The following NBPF14 variants were observed in gnomAD, a reference collection of about 807,000 sequenced individuals.
The protein encoded by NBPF14 is NBPF family member NBPF14.
In NBPF14, 104 loss-of-function variants were observed where a neutral mutation model predicts 91.2. The observed-to-expected ratio is 1.14, with a 90% confidence interval of 0.97 to 1.34. The LOEUF (loss-of-function observed/expected upper bound fraction) is 1.34. Among genes scored for constraint, NBPF14 ranks in the 40% most tolerant of loss-of-function variants. The pLI is 0.00. For missense variants in NBPF14, 908 were observed against 783.0 expected (o/e 1.16, Z -1.91); for synonymous variants, 294 against 303.8 (o/e 0.97, Z 0.34).
chr1:148,572,500 T>G, exon 21 of NBPF14: 1 of 590,924 alleles, frequency 1.7e-6, no homozygotes, highest in Non-Finnish European at 3.0e-6. Flanking sequence ...ACAGCACTGC[T>G]GTAGGGCTGG....
Position 148,587,210 on chromosome 1 carries a change from C to G in NBPF14, c.1091+91G>C, listed in dbSNP as rs1249385134. The G allele has an allele frequency of 4.1e-5, 47 of 1,134,888 alleles. 4 individuals carry two copies. The African/African-American group carries it at 5.8e-4, about 14-fold the overall frequency. The allele number at this position is 1,134,888 out of a possible 1,614,324, so 70.3% of individuals were successfully genotyped here. On this transcript the variant is annotated intron_variant, in intron 8 of 70. Transcript: ENST00000619423. The stretch of plus-strand genomic sequence containing the variant: ...TGGCAATTCCTGCCCTTCCCCTGGC[C>G]CAGCTGAGCTCTTACGTCTCCCCAC...
intron 14 of NBPF14, among the ~76,000 whole-genome samples, chr1:148,577,704 A>G (rs1660161363): frequency 6.9e-6 from 1 of 145,688 alleles, no homozygotes; most frequent in African/African-American, 2.7e-5. Flanking sequence ...CATGTCCTCA[A>G]TAATTTTGCA....
chr1:148,572,760 G>A lies in NBPF14; in HGVS notation c.2586-145C>T. The A allele has an allele frequency of 2.0e-5, 11 of 542,826 alleles. 1 individual carries two copies. The highest frequency in any genetic ancestry group is 1.5e-4 in the South Asian group (8 of 54,756). 33.6% of individuals were successfully genotyped at this position (542,826 alleles called of 1,614,324 possible). ...TGAGGTAACAAATTATTGCCTTTATGTTGGGATAGAACAGGGCCAGATAGA... is the reference window on the plus strand; with the variant it reads ...TGAGGTAACAAATTATTGCCTTTATATTGGGATAGAACAGGGCCAGATAGA... On this transcript the variant is annotated intron_variant, in intron 20 of 70. Transcript: ENST00000619423.
At chr1:148,535,252 A>AC (rs1452004495) in intron 68 of NBPF14, among the ~76,000 whole-genome samples, 3 of 150,576 alleles carry the variant, frequency 2.0e-5, no homozygotes, top group Non-Finnish European at 4.4e-5. Context: ...GGTATGGTCA[A>AC]CCTACAGTAA....
intron 40 of NBPF14, among the ~76,000 whole-genome samples, chr1:148,557,079 C>A (rs1267596658): frequency 2.3e-4 from 29 of 125,366 alleles, no homozygotes; most frequent in African/African-American, 1.1e-3. Context: ...CACACACACA[C>A]ACACACACAG....
chr1:148,572,600 C>T lies in NBPF14; in HGVS notation c.2601G>A (p.Leu867=), dbSNP rs1450843538. 15 of 588,986 alleles carry T rather than the reference C, an allele frequency of 2.5e-5. 1 individual carries two copies. The highest frequency in any genetic ancestry group is 3.3e-5 in the Non-Finnish European group (11 of 338,442). The allele number at this position is 588,986 out of a possible 1,614,324, so 36.5% of individuals were successfully genotyped here. ...AGACTTCAGGCTCTTTCTCATCCAGCAGCTCCCTGCTGAGCCTGGAAAAGT... is the reference window on the plus strand; with the variant it reads ...AGACTTCAGGCTCTTTCTCATCCAGTAGCTCCCTGCTGAGCCTGGAAAAGT... Residue 867 remains leucine, a synonymous_variant, in exon 21 of 71, where the codon CTG becomes CTA. Coordinates refer to ENST00000619423, the Ensembl canonical transcript of NBPF14.
At position 148,577,842 on chromosome 1, in the gene NBPF14, A is replaced by T. The variant is rs1322708017; in HGVS notation, c.1853+141T>A. On this transcript the variant is annotated intron_variant, in intron 14 of 70. Transcript: ENST00000619423. ...AAACCTAAACATTTACTCTAATGAG[A>T]ACCAAAAAGCAATGTAGTAGGCATA... 6 of 586,756 alleles carry T rather than the reference A, an allele frequency of 1.0e-5. No homozygotes were observed. The East Asian group carries it at 1.1e-4, about 11-fold the overall frequency. The allele number at this position is 586,756 out of a possible 1,614,324, so 36.3% of individuals were successfully genotyped here. A position where few individuals can be genotyped will look rare whatever the true frequency, so the allele number is the denominator to read the frequency against.
intron 39 of NBPF14, among the ~76,000 whole-genome samples, 160 bp from the exon 40 acceptor site, chr1:148,557,702 T>C (rs1376230307): frequency 7.7e-6 from 1 of 130,376 alleles, no homozygotes; most frequent in Non-Finnish European, 1.5e-5. Flanking sequence ...GGTCATGATA[T>C]TCCTTGCTTT....
intron 36 of NBPF14, among the ~76,000 whole-genome samples, chr1:148,560,191 G>A (rs1173813448): frequency 3.3e-5 from 5 of 151,356 alleles, no homozygotes; most frequent in Non-Finnish European, 2.9e-5. Flanking sequence ...CAGAGACAGA[G>A]ACAGAGAGAA....
exon 71 of NBPF14, chr1:148,532,406 C>G (rs2149462905): frequency 6.2e-6 from 1 of 162,082 alleles, no homozygotes; most frequent in South Asian, 1.6e-4. Flanking sequence ...GCTGTTTGTC[C>G]ATCTAGCTGT....
At chr1:148,560,194 A>T (rs1424462308) in intron 36 of NBPF14, among the ~76,000 whole-genome samples, 1 of 151,354 alleles carries the variant, frequency 6.6e-6, no homozygotes, top group African/African-American at 2.5e-5. Context: ...AGACAGAGAC[A>T]GAGAGAAAGT....
rs1659214545 is a variant in NBPF14 at position 148,572,304 on chromosome 1, A to T, written c.2758+139T>A. 9.0e-5 allele frequency: 19 copies of T among 211,130 alleles called. 2 individuals carry two copies. The highest frequency in any genetic ancestry group is 1.7e-4 in the Admixed American group (2 of 11,440). 13.1% of individuals were successfully genotyped at this position (211,130 alleles called of 1,614,324 possible). A position where few individuals can be genotyped will look rare whatever the true frequency, so the allele number is the denominator to read the frequency against. ...GGCTTCCAACTGAGACTACAGTTTC[A>T]TTACAACCTATATGCGCCCATAGGT... is the stretch of plus-strand genomic sequence containing the variant. On this transcript the variant is annotated intron_variant, in intron 21 of 70. Coordinates refer to ENST00000619423, the Ensembl canonical transcript of NBPF14.
At chr1:148,535,099 G>A (rs1403850358) in intron 68 of NBPF14, among the ~76,000 whole-genome samples, 1 of 146,400 alleles carries the variant, frequency 6.8e-6, no homozygotes, top group Non-Finnish European at 1.5e-5. Context: ...AATTGGCCGG[G>A]TGACACACTG....
rs1472069579 is a variant in NBPF14, at chr1:148,559,367, C to T, written c.4730-295G>A. On this transcript the variant is annotated intron_variant, in intron 37 of 70. Coordinates refer to ENST00000619423, the Ensembl canonical transcript of NBPF14. ...TTTTCCAATCGATTTAAAGCAATTG[C>T]CCCCAAATGGTTGCTAGGAGAAAAA... Among the ~76,000 whole-genome samples, 11 of 131,744 alleles carry T rather than the reference C, an allele frequency of 8.3e-5. 2 individuals are homozygous for T. In the South Asian group the frequency reaches 2.6e-3, roughly 31 times the overall value. The allele number at this position is 131,744 out of a possible 152,430, so 86.4% of individuals were successfully genotyped here. A position where few individuals can be genotyped will look rare whatever the true frequency, so the allele number is the denominator to read the frequency against.
intron 37 of NBPF14, among the ~76,000 whole-genome samples, 162 bp from the exon 38 acceptor site, chr1:148,559,234 G>A: frequency 8.7e-6 from 1 of 114,922 alleles, no homozygotes; most frequent in Admixed American, 8.4e-5. Flanking sequence ...GATCACCATA[G>A]AGATTCCTTG....
At chr1:148,559,703 C>T in intron 37 of NBPF14, 90 bp downstream of exon 37, 1 of 724,616 alleles carries the variant, frequency 1.4e-6, no homozygotes, top group South Asian at 1.6e-5. Flanking sequence ...AATGACATCT[C>T]TCAGCTCAGT....
Position 148,593,254 on chromosome 1 carries a change from A to T in NBPF14, c.278+344T>A, listed in dbSNP as rs1265996255. Among the ~76,000 whole-genome samples, 221 of 148,850 alleles carry T rather than the reference A, an allele frequency of 1.5e-3. 7 individuals carry two copies. Among genetic ancestry groups the T allele is most frequent in the African/African-American group, 5.1e-3 (211 of 41,118 alleles). On this transcript the variant is annotated intron_variant, in intron 3 of 70. Coordinates refer to ENST00000619423, the Ensembl canonical transcript of NBPF14. Reference sequence around the variant, plus strand: ...GAATGAGAAGCCGCAGTCAGTCAGGAGGTGATTCTCACTAAGGGTAAGTGG... The same window carrying T: ...GAATGAGAAGCCGCAGTCAGTCAGGTGGTGATTCTCACTAAGGGTAAGTGG...
intron 37 of NBPF14, among the ~76,000 whole-genome samples, chr1:148,559,579 C>T (rs1379698119): frequency 2.4e-5 from 3 of 123,308 alleles, no homozygotes; most frequent in Non-Finnish European, 4.7e-5. Context: ...GCGCCACAGG[C>T]ATGGCCTGAG....
intron 47 of NBPF14, among the ~76,000 whole-genome samples, chr1:148,551,761 T>C (rs1656246148): frequency 5.1e-5 from 1 of 19,450 alleles, no homozygotes; most frequent in Non-Finnish European, 8.3e-5. Flanking sequence ...GCACCACAGG[T>C]ATGGCCTGAG....
Sources: gnomAD v4.1 joint callset for allele counts (sites outside exome capture counted in the v4.1 genomes callset) on GRCh38, gnomAD v4.1.1 for gene constraint, MANE v1.5 for transcripts, NCBI Gene and HGNC (gene_info 2026-07-23, HGNC 2026-07-21) for gene names.